The following RANBP2 variants were observed in gnomAD, a reference collection of about 807,000 sequenced individuals.
The protein encoded by RANBP2 is E3 SUMO-protein ligase RanBP2.
RANBP2 carries 57 observed loss-of-function variants against 303.6 expected under a neutral mutation model. The ratio of observed to expected loss-of-function variants is 0.19; its 90% confidence interval spans 0.15 to 0.23. The LOEUF is 0.23. RANBP2 is among the 10% of genes least tolerant of loss of function. RANBP2 has a pLI of 1.00. For synonymous variants in RANBP2, 1,167 were observed against 1,301.5 expected, an observed-to-expected ratio of 0.90 and a Z score of 2.23; for missense variants, 3,138 against 3,780.8, an observed-to-expected ratio of 0.83 and a Z score of 4.46.
the RANBP2 span, among the ~76,000 whole-genome samples, chr2:109,029,684 C>T: frequency 1.3e-5 from 2 of 152,322 alleles, no homozygotes; most frequent in South Asian, 4.1e-4. Context: ...GCTGCCTGTG[C>T]TGTCTCCTCT....
chr2:109,678,414 G>T, the RANBP2 span, among the ~76,000 whole-genome samples: 1 of 152,160 alleles, frequency 6.6e-6, no homozygotes, highest in Non-Finnish European at 1.5e-5. Flanking sequence ...ACTGGGCCTG[G>T]GGTGCTCCCC....
intron 1 of RANBP2, among the ~76,000 whole-genome samples, chr2:108,720,577 T>C (rs544169655): frequency 6.6e-6 from 1 of 152,326 alleles, no homozygotes; most frequent in Admixed American, 6.5e-5. Context: ...TTGGCTTGAA[T>C]AATCACAGCA....
At chr2:109,561,060 C>T in the RANBP2 span, among the ~76,000 whole-genome samples, 1 of 150,784 alleles carries the variant, frequency 6.6e-6, no homozygotes, top group Non-Finnish European at 1.5e-5. Flanking sequence ...CCTAAAATAG[C>T]GTTGCCTTCC....
At chr2:109,163,341 A>G in the RANBP2 span, among the ~76,000 whole-genome samples, 92 of 151,512 alleles carry the variant, frequency 6.1e-4, no homozygotes, top group Non-Finnish European at 1.1e-3. Context: ...TTTAAGGGCC[A>G]TCAAAGGGCG....
At chr2:109,632,364 T>A in the RANBP2 span, among the ~76,000 whole-genome samples, 1 of 152,208 alleles carries the variant, frequency 6.6e-6, no homozygotes, top group Non-Finnish European at 1.5e-5. Context: ...GACTTGTGGC[T>A]GGTGTCTGAA....
At chr2:109,287,164 A>AT in the RANBP2 span, among the ~76,000 whole-genome samples, 9 of 152,166 alleles carry the variant, frequency 5.9e-5, no homozygotes, top group African/African-American at 2.2e-4. Context: ...AGACCCAGTG[A>AT]TTATATGCCA....
the RANBP2 span, among the ~76,000 whole-genome samples, chr2:109,586,525 G>A: frequency 6.6e-6 from 1 of 152,168 alleles, no homozygotes; most frequent in Non-Finnish European, 1.5e-5. Flanking sequence ...GATTGGTTGG[G>A]AATTCAGGGA....
At chr2:109,537,500 C>T in the RANBP2 span, among the ~76,000 whole-genome samples, 1 of 152,072 alleles carries the variant, frequency 6.6e-6, no homozygotes, top group South Asian at 2.1e-4. Flanking sequence ...TATAAATACC[C>T]TTTCTCAAAT....
the RANBP2 span, among the ~76,000 whole-genome samples, chr2:108,920,568 T>C: frequency 2.6e-5 from 4 of 152,272 alleles, no homozygotes; most frequent in Admixed American, 2.0e-4. Context: ...TTGCAGTCAC[T>C]GAGTACAGGC....
chr2:109,505,097 G>A, the RANBP2 span, among the ~76,000 whole-genome samples: 1 of 152,288 alleles, frequency 6.6e-6, no homozygotes, highest in East Asian at 1.9e-4. Flanking sequence ...TCTGGCCCTT[G>A]GGGCGCCTGA....
chr2:109,202,925 G>A, the RANBP2 span, among the ~76,000 whole-genome samples: 22 of 152,346 alleles, frequency 1.4e-4, no homozygotes, highest in Middle Eastern at 3.4e-3. Flanking sequence ...GAGTGTAGGT[G>A]TCATGGAAGG....
At chr2:109,456,191 C>T in the RANBP2 span, among the ~76,000 whole-genome samples, 1 of 152,176 alleles carries the variant, frequency 6.6e-6, no homozygotes, top group Non-Finnish European at 1.5e-5. Flanking sequence ...GCCACTTGTG[C>T]CTGGCAGCTC....
the RANBP2 span, among the ~76,000 whole-genome samples, chr2:109,305,062 T>G: frequency 6.6e-6 from 1 of 152,214 alleles, no homozygotes; most frequent in Non-Finnish European, 1.5e-5. Context: ...GTTCCCCGTC[T>G]GAATGTTATT....
At chr2:109,251,549 A>G in the RANBP2 span, 46 of 772,000 alleles carry the variant, frequency 6.0e-5, no homozygotes, top group Non-Finnish European at 9.4e-5. Context: ...CTTGTGATAG[A>G]TGAATGTGTG....
At chr2:108,897,075 G>T in the RANBP2 span, 1 of 1,614,154 alleles carries the variant, frequency 6.2e-7, no homozygotes, top group African/African-American at 1.3e-5. Context: ...GTTGCATGCC[G>T]TCTGTCATGC....
At chr2:109,327,742 A>T in the RANBP2 span, among the ~76,000 whole-genome samples, 3 of 152,240 alleles carry the variant, frequency 2.0e-5, no homozygotes, top group Non-Finnish European at 4.4e-5. Flanking sequence ...CAAAAATATA[A>T]AGTATTTTTA....
At chr2:109,525,345 A>T in the RANBP2 span, among the ~76,000 whole-genome samples, 3 of 152,002 alleles carry the variant, frequency 2.0e-5, no homozygotes, top group Admixed American at 6.6e-5. Context: ...TTTACAAGAA[A>T]TAGAGACAGG....
the RANBP2 span, among the ~76,000 whole-genome samples, chr2:108,798,888 A>G: frequency 6.6e-6 from 1 of 151,728 alleles, no homozygotes; most frequent in Non-Finnish European, 1.5e-5. Flanking sequence ...GTTTGTAAAA[A>G]TCATGATTCT....
the RANBP2 span, among the ~76,000 whole-genome samples, chr2:109,494,998 T>C: frequency 6.6e-6 from 1 of 152,124 alleles, no homozygotes; most frequent in Non-Finnish European, 1.5e-5. Flanking sequence ...CAGGCTCAGC[T>C]GCCCTGCCCC....
Sources: gnomAD v4.1 joint callset for allele counts (sites outside exome capture counted in the v4.1 genomes callset) on GRCh38, gnomAD v4.1.1 for gene constraint, MANE v1.5 for transcripts, NCBI Gene and HGNC (gene_info 2026-07-23, HGNC 2026-07-21) for gene names.